BEND7: variants seen among roughly 807,000 people sequenced by gnomAD.
BEND7 encodes BEN domain-containing protein 7.
In BEND7, 28 loss-of-function variants were observed where a neutral mutation model predicts 50.9. The observed-to-expected ratio is 0.55, with a 90% confidence interval of 0.41 to 0.75. BEND7 has a LOEUF of 0.75. Ranked by LOEUF, BEND7 falls within the 30% of genes least tolerant of loss-of-function variation. The pLI, the probability that BEND7 is intolerant of heterozygous loss-of-function variation, is 0.00. For synonymous variants in BEND7, 170 were observed against 183.9 expected, an observed-to-expected ratio of 0.92 and a Z score of 0.61; for missense variants, 477 against 491.3, an observed-to-expected ratio of 0.97 and a Z score of 0.28.
chr10:13,516,640 C>T (rs1259323194), intron 2 of BEND7, among the ~76,000 whole-genome samples: 1 of 152,090 alleles, frequency 6.6e-6, no homozygotes, highest in East Asian at 1.9e-4. Context: ...GCAGGAGAAT[C>T]GCTTGAACCT....
At chr10:13,450,826 G>T (rs758430290) in intron 7 of BEND7, among the ~76,000 whole-genome samples, 4 of 152,000 alleles carry the variant, frequency 2.6e-5, no homozygotes, top group Non-Finnish European at 5.9e-5. Flanking sequence ...CTGTAGAAGT[G>T]GGCAAACCTG....
chr10:13,526,600 A>G (rs2079471049), intron 1 of BEND7, among the ~76,000 whole-genome samples: 3 of 152,196 alleles, frequency 2.0e-5, no homozygotes, highest in African/African-American at 7.2e-5. Flanking sequence ...CAGCATATCA[A>G]CAGTATGCTT....
At chr10:13,522,187 A>C (rs1019819051) in intron 2 of BEND7, among the ~76,000 whole-genome samples, 4 of 152,244 alleles carry the variant, frequency 2.6e-5, no homozygotes, top group Admixed American at 1.3e-4. Flanking sequence ...CATGTTTCCA[A>C]TGTACATACT....
At chr10:13,491,541 A>G (rs935689836) in intron 5 of BEND7, among the ~76,000 whole-genome samples, 1 of 151,788 alleles carries the variant, frequency 6.6e-6, no homozygotes, top group Non-Finnish European at 1.5e-5. Flanking sequence ...GAACTTCTTA[A>G]CAATTGTAGC....
At chr10:13,510,536 T>C (rs1589022802) in intron 2 of BEND7, among the ~76,000 whole-genome samples, 1 of 152,242 alleles carries the variant, frequency 6.6e-6, no homozygotes, top group African/African-American at 2.4e-5. Context: ...AAATGAATTA[T>C]GGTACAGCAG....
chr10:13,452,151 CTTCT>C (rs1837890476), intron 7 of BEND7, among the ~76,000 whole-genome samples: 1 of 152,178 alleles, frequency 6.6e-6, no homozygotes, highest in South Asian at 2.1e-4. Context: ...GAGCTTCTTT[CTTCT>C]TTTTTTTCTA....
At chr10:13,501,858 AAT>A (rs2077499006) in intron 2 of BEND7, among the ~76,000 whole-genome samples, 2 of 152,064 alleles carry the variant, frequency 1.3e-5, no homozygotes, top group South Asian at 4.1e-4. Context: ...AAAAAAAAAA[AAT>A]CTTAGGCCAG....
intron 2 of BEND7, among the ~76,000 whole-genome samples, chr10:13,518,280 G>C (rs539142294): frequency 1.3e-5 from 2 of 149,636 alleles, no homozygotes; most frequent in African/African-American, 4.9e-5. Flanking sequence ...CATGCGGGCC[G>C]TGGCGAGCAG....
intron 6 of BEND7, among the ~76,000 whole-genome samples, chr10:13,459,073 C>T (rs1191763263): frequency 6.6e-6 from 1 of 152,274 alleles, no homozygotes; most frequent in East Asian, 1.9e-4. Flanking sequence ...CTTACGTTTA[C>T]AGTTGCATTT....
At chr10:13,498,805 T>C (rs542718109) in intron 3 of BEND7, among the ~76,000 whole-genome samples, 2 of 152,322 alleles carry the variant, frequency 1.3e-5, no homozygotes, top group East Asian at 3.9e-4. Flanking sequence ...ACTTTGATAC[T>C]GGCTTATGTA....
intron 2 of BEND7, among the ~76,000 whole-genome samples, chr10:13,520,053 T>C (rs1331684731): frequency 6.6e-6 from 1 of 152,064 alleles, no homozygotes; most frequent in African/African-American, 2.4e-5. Flanking sequence ...GGGGCCTCAC[T>C]CCTCCAAGGC....
intron 6 of BEND7, chr10:13,459,568 C>A (rs1191753890): frequency 6.6e-6 from 1 of 152,194 alleles, no homozygotes; most frequent in Non-Finnish European, 1.5e-5. Flanking sequence ...GTTGTTCAGG[C>A]AGGGCCTGAT....
At chr10:13,477,286 T>C (rs2075520855) in intron 6 of BEND7, among the ~76,000 whole-genome samples, 2 of 152,346 alleles carry the variant, frequency 1.3e-5, no homozygotes, top group Admixed American at 1.3e-4. Context: ...TTCAAATTAA[T>C]ACACTATTGG....
At chr10:13,463,181 G>C (rs2073887276) in intron 6 of BEND7, among the ~76,000 whole-genome samples, 1 of 93,810 alleles carries the variant, frequency 1.1e-5, no homozygotes, top group Non-Finnish European at 2.0e-5. Context: ...TGATGACCAT[G>C]AACAGCAGAA....
At chr10:13,508,458 C>T (rs1191240475) in intron 2 of BEND7, among the ~76,000 whole-genome samples, 1 of 152,152 alleles carries the variant, frequency 6.6e-6, no homozygotes, top group Non-Finnish European at 1.5e-5. Context: ...CCAAGGGCTC[C>T]ACACTGCATA....
At chr10:13,439,751 C>T (rs1353984166), downstream of BEND7, among the ~76,000 whole-genome samples, 1 of 152,210 alleles carries the variant, frequency 6.6e-6, no homozygotes, top group Non-Finnish European at 1.5e-5. Context: ...CTTCAGCCCG[C>T]CCCCTCCTGC....
intron 3 of BEND7, among the ~76,000 whole-genome samples, chr10:13,497,794 C>T (rs2077130374): frequency 6.6e-6 from 1 of 152,176 alleles, no homozygotes; most frequent in Admixed American, 6.5e-5. Context: ...CACATTGTCT[C>T]ACAGGCCAGC....
downstream of BEND7, among the ~76,000 whole-genome samples, chr10:13,440,785 A>T (rs28377965): frequency 6.3e-3 from 961 of 152,380 alleles, 8 homozygotes; most frequent in African/African-American, 0.022. Context: ...TGAAGATTAT[A>T]AAGCTACCTA....
At chr10:13,494,598 A>G (rs2076908755) in intron 4 of BEND7, among the ~76,000 whole-genome samples, 1 of 152,208 alleles carries the variant, frequency 6.6e-6, no homozygotes, top group Non-Finnish European at 1.5e-5. Flanking sequence ...TTCCCCCTCA[A>G]GGCTGGGTCT....
Sources: allele counts gnomAD v4.1 joint callset (sites outside exome capture counted in the v4.1 genomes callset), GRCh38; gene constraint gnomAD v4.1.1; transcripts MANE v1.5; gene names NCBI Gene and HGNC (gene_info 2026-07-23, HGNC 2026-07-21).